Variants in ASAP2 observed in about 807,000 individuals in gnomAD.
ASAP2 encodes arf-GAP with SH3 domain, ANK repeat and PH domain-containing protein 2.
Under a neutral mutation model 131.4 loss-of-function variants are expected in ASAP2, and 45 were observed. The observed-to-expected ratio is 0.34, with a 90% CI of 0.27 to 0.44. The LOEUF (loss-of-function observed/expected upper bound fraction) is 0.44, where lower values mean the gene tolerates loss of function less well. Ranked by LOEUF, ASAP2 falls within the 20% of genes least tolerant of loss-of-function variation. ASAP2 has a pLI of 1.00. For synonymous variants in ASAP2, 510 were observed against 503.0 expected (o/e 1.01, Z -0.19); for missense variants, 1,011 against 1,297.0 (o/e 0.78, Z 3.39).
At position 9,380,822 on chromosome 2, in the gene ASAP2, C is replaced by T. The variant is rs1451939769; in HGVS notation, c.2016+14C>T. On this transcript the variant is annotated intron_variant, in intron 20 of 27. Coordinates refer to ENST00000281419, the MANE Select transcript of ASAP2 (RefSeq NM_003887.3). Reference sequence around the variant, plus strand: ...TGTGAGGAGCTGGTGAGTCTCCCACCACAAGGACGGGGTGGGGCACCTGTC... The same window carrying T: ...TGTGAGGAGCTGGTGAGTCTCCCACTACAAGGACGGGGTGGGGCACCTGTC... The T allele has an allele frequency of 1.2e-6, 2 of 1,613,272 alleles. No homozygotes were observed. Among genetic ancestry groups the T allele is most frequent in the African/African-American group, 2.7e-5 (2 of 74,926 alleles).
Position 9,207,891 on chromosome 2 carries a change from C to A in ASAP2, c.126+661C>A, listed in dbSNP as rs1350321194. On this transcript the variant is annotated intron_variant, in intron 1 of 27. Coordinates refer to ENST00000281419, the MANE Select transcript of ASAP2 (RefSeq NM_003887.3). The surrounding 1 kb of genome is among the most constrained non-coding windows in gnomAD (Gnocchi z 4.1). ...CACCTGCTTGAACCCGGAATGCCGCCCTTCCCCCTCAACCTGGAAAAGGCC... is the reference window on the plus strand; with the variant it reads ...CACCTGCTTGAACCCGGAATGCCGCACTTCCCCCTCAACCTGGAAAAGGCC... Among the ~76,000 whole-genome samples the A allele has an allele frequency of 6.6e-6, 1 of 152,200 alleles. No homozygotes were observed.
intron 15 of ASAP2, among the ~76,000 whole-genome samples, chr2:9,367,248 G>C (rs1572559924): frequency 6.6e-6 from 1 of 151,670 alleles, no homozygotes; most frequent in Admixed American, 6.6e-5. Context: ...GCCCAGGCTA[G>C]TCTCGAACTC....
rs1172660637 is a variant in ASAP2, at chr2:9,397,750, A to ATTTTTTTT, written c.2685-2254_2685-2247dup. Among the ~76,000 whole-genome samples the ATTTTTTTT allele has an allele frequency of 1.8e-4, 8 of 44,808 alleles. 1 individual carries two copies. The highest frequency in any genetic ancestry group is 5.8e-4 in the East Asian group (1 of 1,718). 29.4% of individuals were successfully genotyped at this position (44,808 alleles called of 152,430 possible). ...AGGATATATATATATATATATATAT[A>ATTTTTTTT]TTTTTTTTTTTTTTTTTTTTTTTTT... On this transcript the variant is annotated intron_variant, in intron 24 of 27. Transcript: ENST00000281419.
chr2:9,269,885 C>A (rs565980222), intron 1 of ASAP2, among the ~76,000 whole-genome samples: 1 of 152,170 alleles, frequency 6.6e-6, no homozygotes, highest in Non-Finnish European at 1.5e-5. Context: ...CAGTGTGCAC[C>A]GTCCCCACTG....
rs749449031 is a variant in ASAP2 at position 9,401,291 on chromosome 2, G to A, written c.2841G>A (p.Lys947=). The A allele has an allele frequency of 1.2e-6, 2 of 1,613,560 alleles. No individual in the cohort carries two copies. The highest frequency in any genetic ancestry group is 2.2e-5 in the East Asian group (1 of 44,848). Residue 947 remains lysine (K), a synonymous_variant, in exon 27 of 28, where the codon AAG becomes AAA. Transcript: ENST00000281419. Reference sequence around the variant, plus strand: ...TGACCCAGACCAAGTTGAAGCCTAAGCGGGTGAAAGCGCTCTATAACTGTG... The same window carrying A: ...TGACCCAGACCAAGTTGAAGCCTAAACGGGTGAAAGCGCTCTATAACTGTG... The part of the protein sequence containing the change: ...RKSQATKLKP[K]RVKALYNCVA...
chr2:9,368,026 C>T (rs967288204), intron 15 of ASAP2, among the ~76,000 whole-genome samples: 2 of 152,144 alleles, frequency 1.3e-5, no homozygotes, highest in Non-Finnish European at 2.9e-5. Context: ...GGCTCAGTGC[C>T]GCTTCACTCT....
intron 1 of ASAP2, among the ~76,000 whole-genome samples, chr2:9,248,995 GA>G (rs1664525169): frequency 1.3e-5 from 2 of 152,160 alleles, no homozygotes; most frequent in African/African-American, 4.8e-5. Flanking sequence ...CTCCCAACCC[GA>G]ATACATAGGA....
At chr2:9,264,634 C>T (rs890799872) in intron 1 of ASAP2, among the ~76,000 whole-genome samples, 5 of 152,032 alleles carry the variant, frequency 3.3e-5, no homozygotes, top group Non-Finnish European at 7.4e-5. Flanking sequence ...CAGGTGATAG[C>T]GAAAACTCAG....
At chr2:9,240,983 G>T (rs943054050) in intron 1 of ASAP2, among the ~76,000 whole-genome samples, 2 of 152,252 alleles carry the variant, frequency 1.3e-5, no homozygotes, top group Admixed American at 1.3e-4. Flanking sequence ...CACGTCCCGC[G>T]TGGGAGGCAG....
At chr2:9,233,806 C>T (rs951579403) in intron 1 of ASAP2, among the ~76,000 whole-genome samples, 8 of 152,148 alleles carry the variant, frequency 5.3e-5, no homozygotes, top group African/African-American at 1.9e-4. Flanking sequence ...TCATCATCCC[C>T]ATGTTTAAAG....
At chr2:9,298,774 C>T (rs565887975) in intron 3 of ASAP2, among the ~76,000 whole-genome samples, 7 of 152,320 alleles carry the variant, frequency 4.6e-5, no homozygotes, top group Admixed American at 1.3e-4. Flanking sequence ...CTGCTCTCCC[C>T]GCACCTGGGT....
At chr2:9,252,855 G>T (rs986880969) in intron 1 of ASAP2, among the ~76,000 whole-genome samples, 1 of 150,180 alleles carries the variant, frequency 6.7e-6, no homozygotes, top group African/African-American at 2.5e-5. Flanking sequence ...GGCGGAGCTT[G>T]CAGTGAGCCG....
In ASAP2 at chr2:9,236,925, T is replaced by TC. The variant is rs531278888; in HGVS notation, c.126+29702dup. Among the ~76,000 whole-genome samples, 88 of 152,032 alleles carry TC rather than the reference T, an allele frequency of 5.8e-4. No homozygotes were observed. In the South Asian group the frequency reaches 0.017, roughly 30 times the overall value. ...GGGCAATATCTGAGTGTCAGAAAGA[T>TC]CCCCCCCGAGGCTGGTGTGGGTACC... On this transcript the variant is annotated intron_variant, in intron 1 of 27. Coordinates refer to ENST00000281419, the MANE Select transcript of ASAP2 (RefSeq NM_003887.3).
At position 9,392,216 on chromosome 2, in the gene ASAP2, C is replaced by T. The variant is rs1005020754; in HGVS notation, c.2518+1020C>T. 2.6e-5 allele frequency among the ~76,000 whole-genome samples: 4 copies of T among 152,206 alleles called. No individual in the cohort carries two copies. Among genetic ancestry groups the T allele is most frequent in the Non-Finnish European group, 4.4e-5 (3 of 68,004 alleles). On this transcript the variant is annotated intron_variant, in intron 23 of 27. Coordinates refer to ENST00000281419, the MANE Select transcript of ASAP2 (RefSeq NM_003887.3). This position sits in a 1 kb window ranked among gnomAD's most constrained non-coding sequence, Gnocchi z 4.0. ...GTCCTGAAAACCTTGGGTAAAGAAG[C>T]GGGAGGAGGTTTTTAGGAAGAAGTT... is the stretch of plus-strand genomic sequence containing the variant.
chr2:9,243,201 C>T (rs1052091283), intron 1 of ASAP2, among the ~76,000 whole-genome samples: 6 of 152,126 alleles, frequency 3.9e-5, no homozygotes, highest in African/African-American at 1.2e-4. Context: ...CTCCGCCTCC[C>T]GGGTTCACGC....
Position 9,404,137 on chromosome 2 carries a change from A to G in ASAP2, c.*810A>G, listed in dbSNP as rs1202020222. 6.6e-6 allele frequency: 1 copy of G among 152,250 alleles called. No individual in the cohort carries two copies. The highest frequency in any genetic ancestry group is 1.9e-4 in the East Asian group (1 of 5,202). The allele number at this position is 152,250 out of a possible 1,614,324, so 9.4% of individuals were successfully genotyped here. On this transcript the variant is annotated 3_prime_UTR_variant, in exon 28 of 28. Coordinates refer to ENST00000281419, the MANE Select transcript of ASAP2 (RefSeq NM_003887.3). ...TGCCTTCTTGAACTTCCTGAGTCAC[A>G]CAGAAAGCAACTGTACACAGTAGAA...
At chr2:9,316,520 A>G (rs1669683174) in intron 3 of ASAP2, among the ~76,000 whole-genome samples, 1 of 151,974 alleles carries the variant, frequency 6.6e-6, no homozygotes, top group Admixed American at 6.6e-5. Flanking sequence ...CCAGAGTGTC[A>G]CAGAAGCCAC....
chr2:9,243,519 T>A (rs965863638), intron 1 of ASAP2, among the ~76,000 whole-genome samples: 1 of 152,232 alleles, frequency 6.6e-6, no homozygotes, highest in Non-Finnish European at 1.5e-5. Flanking sequence ...AAAATACAAC[T>A]TTGCTTACAA....
At chr2:9,293,384 C>T (rs1250007156) in intron 2 of ASAP2, among the ~76,000 whole-genome samples, 3 of 152,144 alleles carry the variant, frequency 2.0e-5, no homozygotes, top group African/African-American at 7.2e-5. Context: ...GGATCTGGAT[C>T]ATTAATGAGA....
Sources: gnomAD v4.1 joint callset for allele counts (sites outside exome capture counted in the v4.1 genomes callset) on GRCh38, gnomAD v4.1.1 for gene constraint, Gnocchi (gnomAD v3.1) non-coding constraint, MANE v1.5 for transcripts, NCBI Gene and HGNC (gene_info 2026-07-23, HGNC 2026-07-21) for gene names.